Variants in TRIM66 observed in about 807,000 individuals in gnomAD.
The protein encoded by TRIM66 is tripartite motif containing 66.
In TRIM66, 99 loss-of-function variants were observed where a neutral mutation model predicts 148.2. That is an observed-to-expected ratio of 0.67 (90% CI 0.57 to 0.79). The LOEUF (loss-of-function observed/expected upper bound fraction) is 0.79, where lower values mean the gene tolerates loss of function less well. Among genes scored for constraint, TRIM66 ranks in the 30% least tolerant of loss-of-function variants. TRIM66 has a pLI of 0.00. For synonymous variants in TRIM66, 616 were observed against 635.9 expected (o/e 0.97, Z 0.47); for missense variants, 1,666 against 1,697.9 (o/e 0.98, Z 0.33).
Position 8,672,279 on chromosome 11 carries a change from G to A in TRIM66, c.-5C>T. The A allele has an allele frequency of 6.5e-7, 1 of 1,536,114 alleles. No homozygotes were observed. The highest frequency in any genetic ancestry group is 8.7e-7 in the Non-Finnish European group (1 of 1,146,916). On this transcript the variant is annotated 5_prime_UTR_variant, in exon 5 of 25. Transcript: ENST00000646038. ...CCAAAAAGAGAGTCTAGCCATCTCT[G>A]CCGTGGAAAACAAAGCGTGGAGGTG...
At chr11:8,642,340 T>C (rs1480733815) in intron 13 of TRIM66, among the ~76,000 whole-genome samples, 2 of 152,148 alleles carry the variant, frequency 1.3e-5, no homozygotes, top group East Asian at 3.9e-4. Flanking sequence ...TACATATCAT[T>C]TGTCACTTTG....
At position 8,640,323 on chromosome 11, in the gene TRIM66, A is replaced by C; in HGVS notation, c.2052T>G (p.Ser684=). The part of the protein sequence containing the change: ...QPSLQLSQTK[S]PQHLQQTIVG... ...CAATGGTTTGCTGAAGATGCTGAGGAGATTTGGTCTGACTCAGTTGCAGGC... is the reference window on the plus strand; with the variant it reads ...CAATGGTTTGCTGAAGATGCTGAGGCGATTTGGTCTGACTCAGTTGCAGGC... The change falls in exon 14 of 25, where the codon TCT becomes TCG. Residue 684 remains serine, a synonymous_variant. Transcript: ENST00000646038. 5 of 1,551,554 alleles carry C rather than the reference A, an allele frequency of 3.2e-6. No individual in the cohort carries two copies. Among genetic ancestry groups the C allele is most frequent in the Non-Finnish European group, 4.4e-6 (5 of 1,146,984 alleles).
chr11:8,646,782 G>A (rs1168490638), intron 10 of TRIM66, among the ~76,000 whole-genome samples: 3 of 152,040 alleles, frequency 2.0e-5, no homozygotes, highest in African/African-American at 4.8e-5. Flanking sequence ...TAAACCTCAA[G>A]TCTACACCAA....
chr11:8,671,769 G>T lies in TRIM66; in HGVS notation c.340+17C>A, dbSNP rs2038946546. The T allele has an allele frequency of 1.8e-6, 2 of 1,097,770 alleles. No individual in the cohort carries two copies. Among genetic ancestry groups the T allele is most frequent in the Non-Finnish European group, 2.7e-6 (2 of 746,914 alleles). The allele number at this position is 1,097,770 out of a possible 1,614,324, so 68.0% of individuals were successfully genotyped here. ...GTTATGTAGTGGGAGGTGAACTTGTGGTGCCTTTGTACTTACCATCTGCAA... is the reference window on the plus strand; with the variant it reads ...GTTATGTAGTGGGAGGTGAACTTGTTGTGCCTTTGTACTTACCATCTGCAA... On this transcript the variant is annotated intron_variant, in intron 6 of 24. Coordinates refer to ENST00000646038, the MANE Select transcript of TRIM66 (RefSeq NM_001388022.1).
At position 8,641,102 on chromosome 11, in the gene TRIM66, A is replaced by G. The variant is rs61743935; in HGVS notation, c.1273T>C (p.Tyr425His). The change falls in exon 14 of 25, where the codon TAT (tyrosine) becomes CAT (histidine). Residue 425 changes from tyrosine (Y) to histidine (H), a missense_variant. By Grantham distance (83) the Tyr-to-His change is moderately conservative (BLOSUM62 2). Coordinates refer to ENST00000646038, the MANE Select transcript of TRIM66 (RefSeq NM_001388022.1). ...GQMSRADAPAYGGLQGSSPFY... is the reference protein window; with the variant it reads ...GQMSRADAPAHGGLQGSSPFY... Reference sequence around the variant, plus strand: ...GGTGATGACCCCTGTAAGCCTCCATAAGCAGGAGCATCTGCCCTGGACATT... The same window carrying G: ...GGTGATGACCCCTGTAAGCCTCCATGAGCAGGAGCATCTGCCCTGGACATT... 99,911 of 1,551,650 alleles carry G rather than the reference A, an allele frequency of 0.064. 3,657 individuals carry two copies. The highest frequency in any genetic ancestry group is 0.069 in the Non-Finnish European group (79,430 of 1,146,946).
chr11:8,622,365 C>CACACACAT, intron 18 of TRIM66, among the ~76,000 whole-genome samples: 1 of 59,568 alleles, frequency 1.7e-5, no homozygotes, highest in Non-Finnish European at 3.9e-5. Context: ...CACACACACA[C>CACACACAT]ATATATATAT....
chr11:8,647,394 T>C (rs1219217482), intron 10 of TRIM66, among the ~76,000 whole-genome samples: 1 of 152,118 alleles, frequency 6.6e-6, no homozygotes, highest in Non-Finnish European at 1.5e-5. Context: ...ACCAAACCTC[T>C]ATGAACCTCA....
chr11:8,668,327 G>C (rs1395253669), intron 6 of TRIM66, among the ~76,000 whole-genome samples: 1 of 151,706 alleles, frequency 6.6e-6, no homozygotes, highest in African/African-American at 2.4e-5. Flanking sequence ...ACCCAACAAT[G>C]CTGGAACTTT....
chr11:8,633,829 A>C (rs1035212966), intron 15 of TRIM66, among the ~76,000 whole-genome samples: 2 of 152,182 alleles, frequency 1.3e-5, no homozygotes, highest in Non-Finnish European at 2.9e-5. Flanking sequence ...CCTCCTACAC[A>C]GCTTAATGTA....
rs117989651 is a variant in TRIM66, at chr11:8,667,451, A to G, written c.340+4335T>C. On this transcript the variant is annotated intron_variant, in intron 6 of 24. Coordinates refer to ENST00000646038, the MANE Select transcript of TRIM66 (RefSeq NM_001388022.1). ...ATGGGAGAAAATATTTGCAAATCAT[A>G]TATCTAATAAGAGATTGGTATCCAG... Among the ~76,000 whole-genome samples, 899 of 152,332 alleles carry G rather than the reference A, an allele frequency of 5.9e-3. 3 individuals carry two copies. Among genetic ancestry groups the G allele is most frequent in the South Asian group, 0.022 (104 of 4,830 alleles).
At position 8,641,007 on chromosome 11, in the gene TRIM66, C is replaced by T. The variant is rs1359327971; in HGVS notation, c.1368G>A (p.Gln456=). The T allele has an allele frequency of 1.3e-6, 2 of 1,551,560 alleles. No individual in the cohort carries two copies. The highest frequency in any genetic ancestry group is 1.7e-6 in the Non-Finnish European group (2 of 1,146,982). ...EALSHPSHKF[Q]SPAVCSSSVC... ...CAGATGAGGAGCACACTGCTGGAGA[C>T]TGGAACTTGTGTGAGGGGTGGCTAA... Residue 456 remains glutamine (Q), a synonymous_variant, in exon 14 of 25, where the codon CAG becomes CAA. Transcript: ENST00000646038.
chr11:8,683,026 C>A, upstream of TRIM66: 1 of 842,084 alleles, frequency 1.2e-6, no homozygotes, highest in Non-Finnish European at 1.9e-6. Flanking sequence ...GACACGCGGG[C>A]CCCTGCGCTA....
chr11:8,644,264 G>A (rs1468064419), intron 12 of TRIM66: 1 of 348,704 alleles, frequency 2.9e-6, no homozygotes, highest in Non-Finnish European at 5.6e-6. Context: ...CCAAAGCCAT[G>A]TTATCTGGGG....
In TRIM66 at chr11:8,654,107, C is replaced by T. The variant is rs562103350; in HGVS notation, c.341-2204G>A. 2.0e-5 allele frequency among the ~76,000 whole-genome samples: 3 copies of T among 152,316 alleles called. No homozygotes were observed. In the South Asian group the frequency reaches 6.2e-4, roughly 32 times the overall value. ...CAAACATCAGTCATTGTAACATGGC[C>T]TCACGAGCAGAATGAAAAAAGAGAA... On this transcript the variant is annotated intron_variant, in intron 6 of 24. Coordinates refer to ENST00000646038, the MANE Select transcript of TRIM66 (RefSeq NM_001388022.1).
intron 4 of TRIM66, among the ~76,000 whole-genome samples, chr11:8,673,861 A>C (rs1223668887): frequency 6.6e-6 from 1 of 152,214 alleles, no homozygotes; most frequent in African/African-American, 2.4e-5. Flanking sequence ...GTAATTATGC[A>C]AGTTTGAGAA....
At chr11:8,631,358 A>C (rs1439620284) in intron 15 of TRIM66, among the ~76,000 whole-genome samples, 3 of 152,234 alleles carry the variant, frequency 2.0e-5, no homozygotes, top group Non-Finnish European at 4.4e-5. Flanking sequence ...GTGGTGTTCC[A>C]CATAAATTAA....
chr11:8,653,641 G>C (rs547041541), intron 6 of TRIM66, among the ~76,000 whole-genome samples: 48 of 152,122 alleles, frequency 3.2e-4, no homozygotes, highest in Non-Finnish European at 4.9e-4. Context: ...CCAAACTGTA[G>C]AATCATAAAA....
In TRIM66 at chr11:8,613,928, C is replaced by G. The variant is rs906430759; in HGVS notation, c.*4016G>C. ...CAAGTTAAAGAATTTCCAGTCAACA[C>G]TGAGAGCTCAACTGAGGCTGCCAAC... On this transcript the variant is annotated 3_prime_UTR_variant, in exon 25 of 25. Coordinates refer to ENST00000646038, the MANE Select transcript of TRIM66 (RefSeq NM_001388022.1). 1 of 152,214 alleles carries G rather than the reference C, an allele frequency of 6.6e-6. No individual in the cohort carries two copies. The highest frequency in any genetic ancestry group is 2.4e-5 in the African/African-American group (1 of 41,430). 9.4% of individuals were successfully genotyped at this position (152,214 alleles called of 1,614,324 possible).
chr11:8,663,195 G>C (rs2038374834), intron 6 of TRIM66: 1 of 152,228 alleles, frequency 6.6e-6, no homozygotes, highest in African/African-American at 2.4e-5. Flanking sequence ...GTACCTGAGA[G>C]GTGACGCAGA....
Sources: allele counts gnomAD v4.1 joint callset (sites outside exome capture counted in the v4.1 genomes callset), GRCh38; gene constraint gnomAD v4.1.1; transcripts MANE v1.5; gene names NCBI Gene and HGNC (gene_info 2026-07-23, HGNC 2026-07-21).